The following TCF7L2 variants were observed in gnomAD, a reference collection of about 807,000 sequenced individuals.
The protein encoded by TCF7L2 is transcription factor 7-like 2.
In TCF7L2, 23 loss-of-function variants were observed where a neutral mutation model predicts 77.9. That is an observed-to-expected ratio of 0.30 (90% CI 0.21 to 0.42). The LOEUF (loss-of-function observed/expected upper bound fraction) is 0.42. TCF7L2 is among the 10% of genes least tolerant of loss of function. The pLI, the probability that TCF7L2 is intolerant of heterozygous loss-of-function variation, is 1.00. For synonymous variants in TCF7L2, 413 were observed against 340.2 expected, an observed-to-expected ratio of 1.21 and a Z score of -2.36; for missense variants, 654 against 793.1, an observed-to-expected ratio of 0.82 and a Z score of 2.11.
intron 4 of TCF7L2, among the ~76,000 whole-genome samples, chr10:113,004,395 C>G (rs1044639228): frequency 3.3e-5 from 5 of 152,180 alleles, no homozygotes; most frequent in African/African-American, 9.7e-5. Flanking sequence ...ACTGTTCATT[C>G]ACCAGTCCTT....
intron 4 of TCF7L2, among the ~76,000 whole-genome samples, chr10:113,028,196 T>TC (rs1468666465): frequency 6.6e-6 from 1 of 152,130 alleles, no homozygotes; most frequent in Non-Finnish European, 1.5e-5. Flanking sequence ...AATGTTTATT[T>TC]CCTTGCTCTC....
chr10:113,021,567 G>A (rs1204910632), intron 4 of TCF7L2, among the ~76,000 whole-genome samples: 1 of 152,158 alleles, frequency 6.6e-6, no homozygotes, highest in Non-Finnish European at 1.5e-5. Context: ...TATGATTTGG[G>A]AACAACTCTG....
At chr10:113,124,829 TC>T (rs1479540568) in intron 5 of TCF7L2, among the ~76,000 whole-genome samples, 1 of 151,952 alleles carries the variant, frequency 6.6e-6, no homozygotes, top group African/African-American at 2.4e-5. Context: ...TGATAAAACT[TC>T]CATTTCAACT....
In TCF7L2 at chr10:113,165,897, T is replaced by C. The variant is rs1301880553; in HGVS notation, c.1734T>C (p.Ser578=). 10 of 1,596,362 alleles carry C rather than the reference T, an allele frequency of 6.3e-6. No individual in the cohort carries two copies. Among genetic ancestry groups the C allele is most frequent in the African/African-American group, 1.3e-5 (1 of 74,192 alleles). ...CATCAATTGCACAGCCGTCGACTTC[T>C]TCCTTACATTCCCACAGCTCCCTGG... The change falls in exon 14 of 14, where the codon TCT becomes TCC. Residue 578 remains serine (S), a synonymous_variant. Transcript: ENST00000627217.
rs138524587 is a variant in TCF7L2, at chr10:113,110,002, C to T, written c.553-31182C>T. On this transcript the variant is annotated intron_variant, in intron 5 of 13. Transcript: ENST00000627217. Reference sequence around the variant, plus strand: ...TCATTTCATACAGAAAATAGCTTTGCTATGCTTACATTTTGAAAACACCTG... The same window carrying T: ...TCATTTCATACAGAAAATAGCTTTGTTATGCTTACATTTTGAAAACACCTG... 2.7e-3 allele frequency among the ~76,000 whole-genome samples: 418 copies of T among 152,274 alleles called. 2 individuals carry two copies. The highest frequency in any genetic ancestry group is 9.3e-3 in the African/African-American group (386 of 41,556).
At chr10:113,095,629 C>T (rs900403313) in intron 5 of TCF7L2, among the ~76,000 whole-genome samples, 6 of 152,326 alleles carry the variant, frequency 3.9e-5, no homozygotes, top group South Asian at 4.1e-4. Context: ...AAAACAGACG[C>T]GGAGAAGCCG....
Position 113,011,811 on chromosome 10 carries a change from TACC to T in TCF7L2, c.451-28210_451-28208del, listed in dbSNP as rs565403008. ...TACCTTGAATATTACTGTTGAGTAT[TACC>T]ACCTTGAGTATTGCTCTTGAGTATT... On this transcript the variant is annotated intron_variant, in intron 4 of 13. Coordinates refer to ENST00000627217, the MANE Select transcript of TCF7L2 (RefSeq NM_001146274.2). 1.8e-3 allele frequency among the ~76,000 whole-genome samples: 280 copies of T among 152,254 alleles called. 1 individual carries two copies. The highest frequency in any genetic ancestry group is 2.8e-3 in the Non-Finnish European group (189 of 68,026).
Position 112,950,515 on chromosome 10 carries a change from A to G in TCF7L2, c.-242A>G. 2.4e-6 allele frequency: 1 copy of G among 414,194 alleles called. No homozygotes were observed. Among genetic ancestry groups the G allele is most frequent in the East Asian group, 4.2e-5 (1 of 23,538 alleles). 25.7% of individuals were successfully genotyped at this position (414,194 alleles called of 1,614,324 possible). A position where few individuals can be genotyped will look rare whatever the true frequency, so the allele number is the denominator to read the frequency against. ...TTGCACATTGATCGGATCCTTGGGA[A>G]CGAGAGAAAAAAGAAACCCAAACTC... On this transcript the variant is annotated 5_prime_UTR_variant, in exon 1 of 14. Coordinates refer to ENST00000627217, the MANE Select transcript of TCF7L2 (RefSeq NM_001146274.2).
rs573552836 is a variant in TCF7L2 at position 112,980,630 on chromosome 10, T to C, written c.450+16006T>C. ...TGGAATCCAGCGGCATTTGTTTCTT[T>C]TTTTTTTTTTTGAAACGGAGTCTCA... On this transcript the variant is annotated intron_variant, in intron 4 of 13. Coordinates refer to ENST00000627217, the MANE Select transcript of TCF7L2 (RefSeq NM_001146274.2). 3.0e-3 allele frequency among the ~76,000 whole-genome samples: 451 copies of C among 151,408 alleles called. 3 individuals are homozygous for C. Among genetic ancestry groups the C allele is most frequent in the African/African-American group, 0.01 (422 of 41,418 alleles).
chr10:113,010,323 C>T (rs1057305883), intron 4 of TCF7L2, among the ~76,000 whole-genome samples: 17 of 152,160 alleles, frequency 1.1e-4, no homozygotes, highest in Non-Finnish European at 1.0e-4. Flanking sequence ...ATGTGCTGCA[C>T]ATTAGGTTCA....
chr10:112,983,114 GTTTTTGT>G (rs1289223734), intron 4 of TCF7L2, among the ~76,000 whole-genome samples: 1 of 151,674 alleles, frequency 6.6e-6, no homozygotes, highest in East Asian at 1.9e-4. Flanking sequence ...CGTCTGCTCT[GTTTTTGT>G]TTTTTGTTTT....
chr10:113,141,036 G>C (rs573516497), intron 5 of TCF7L2, 148 bp from the exon 6 acceptor site: 9 of 893,930 alleles, frequency 1.0e-5, no homozygotes, highest in African/African-American at 1.0e-4. Context: ...ACATGGACTG[G>C]GGGGAGTATG....
intron 5 of TCF7L2, among the ~76,000 whole-genome samples, chr10:113,119,262 C>T (rs1235342899): frequency 6.6e-6 from 1 of 152,164 alleles, no homozygotes; most frequent in Non-Finnish European, 1.5e-5. Context: ...TTTTTCCCCC[C>T]TTACCTTTTG....
At chr10:113,114,982 A>G (rs958279248) in intron 5 of TCF7L2, among the ~76,000 whole-genome samples, 3 of 152,250 alleles carry the variant, frequency 2.0e-5, no homozygotes, top group Admixed American at 1.3e-4. Context: ...TGAATAATAA[A>G]GCAGTTCTAA....
At chr10:113,012,612 G>A (rs571846418) in intron 4 of TCF7L2, among the ~76,000 whole-genome samples, 18 of 152,298 alleles carry the variant, frequency 1.2e-4, no homozygotes, top group African/African-American at 4.1e-4. Flanking sequence ...GCTCTGTGAT[G>A]AAAGGGTTTG....
rs117312794 is a variant in TCF7L2 at position 113,039,397 on chromosome 10, T to C, written c.451-628T>C. On this transcript the variant is annotated intron_variant, in intron 4 of 13. Coordinates refer to ENST00000627217, the MANE Select transcript of TCF7L2 (RefSeq NM_001146274.2). ...ATACTAAAGCATTCCTCTGGTCTTTTGAGATGAGTGTATACATTGTGTCTG... is the reference window on the plus strand; with the variant it reads ...ATACTAAAGCATTCCTCTGGTCTTTCGAGATGAGTGTATACATTGTGTCTG... Among the ~76,000 whole-genome samples the C allele has an allele frequency of 2.5e-3, 382 of 152,316 alleles. 11 individuals are homozygous for C. The East Asian group carries it at 0.068, about 27-fold the overall frequency.
intron 5 of TCF7L2, among the ~76,000 whole-genome samples, chr10:113,091,631 C>T (rs2060419794): frequency 6.6e-6 from 1 of 152,298 alleles, no homozygotes; most frequent in African/African-American, 2.4e-5. Context: ...GCAGGAGAAT[C>T]GCTTGAACTC....
At chr10:113,110,365 TG>T (rs199524834) in intron 5 of TCF7L2, among the ~76,000 whole-genome samples, 70 of 107,202 alleles carry the variant, frequency 6.5e-4, no homozygotes, top group African/African-American at 1.9e-3. Flanking sequence ...GATTGTCTAC[TG>T]GGGTTTTTTT....
intron 5 of TCF7L2, among the ~76,000 whole-genome samples, chr10:113,121,838 T>C (rs1273797070): frequency 6.6e-6 from 1 of 152,066 alleles, no homozygotes; most frequent in Non-Finnish European, 1.5e-5. Flanking sequence ...CCTTTAAAAC[T>C]TCCATTATGT....
Sources: allele counts gnomAD v4.1 joint callset (sites outside exome capture counted in the v4.1 genomes callset), GRCh38; gene constraint gnomAD v4.1.1; transcripts MANE v1.5; gene names NCBI Gene and HGNC (gene_info 2026-07-23, HGNC 2026-07-21).